The following NETO1 variants were observed in gnomAD, a reference collection of about 807,000 sequenced individuals.
NETO1 encodes the protein neuropilin and tolloid-like protein 1.
A neutral mutation model predicts 61.3 loss-of-function variants in NETO1; 26 were observed. The observed-to-expected ratio is 0.42, with a 90% CI of 0.31 to 0.59. The LOEUF (loss-of-function observed/expected upper bound fraction) is 0.59, where lower values mean the gene tolerates loss of function less well. Ranked by LOEUF, NETO1 falls within the 20% of genes least tolerant of loss-of-function variation. The pLI is 0.12. For synonymous variants in NETO1, 225 were observed against 225.8 expected (o/e 1.00, Z 0.03); for missense variants, 531 against 662.8 (o/e 0.80, Z 2.18).
At chr18:72,844,648 A>C (rs1276010792) in intron 4 of NETO1, among the ~76,000 whole-genome samples, 3 of 152,196 alleles carry the variant, frequency 2.0e-5, no homozygotes, top group African/African-American at 7.2e-5. Flanking sequence ...ATTTCATTTT[A>C]TTCATTTATT....
intron 4 of NETO1, among the ~76,000 whole-genome samples, chr18:72,854,015 T>C (rs1230453017): frequency 6.6e-6 from 1 of 152,024 alleles, no homozygotes; most frequent in Admixed American, 6.5e-5. Context: ...GAAATAACAT[T>C]GAATCCATGA....
chr18:72,758,105 A>T (rs957454557), intron 7 of NETO1, among the ~76,000 whole-genome samples: 1 of 152,172 alleles, frequency 6.6e-6, no homozygotes, highest in South Asian at 2.1e-4. Flanking sequence ...GCATTCTGGT[A>T]ATCGAGTGAA....
chr18:72,753,138 T>G (rs981966055), intron 8 of NETO1, among the ~76,000 whole-genome samples: 9 of 151,960 alleles, frequency 5.9e-5, no homozygotes, highest in Non-Finnish European at 8.8e-5. Context: ...CTTCCCAAAC[T>G]TAATTAGAAA....
intron 7 of NETO1, among the ~76,000 whole-genome samples, chr18:72,783,191 T>C (rs2071800550): frequency 6.6e-6 from 1 of 152,214 alleles, no homozygotes; most frequent in African/African-American, 2.4e-5. Flanking sequence ...TCTGAAACTT[T>C]TCTCATTTAC....
chr18:72,751,416 C>T (rs1030855059), intron 8 of NETO1, among the ~76,000 whole-genome samples: 7 of 152,234 alleles, frequency 4.6e-5, no homozygotes, highest in African/African-American at 9.6e-5. Flanking sequence ...TGGACAAGAA[C>T]GCAGGGCACC....
At chr18:72,785,202 A>AT (rs151329921) in intron 6 of NETO1, among the ~76,000 whole-genome samples, 1 of 151,540 alleles carries the variant, frequency 6.6e-6, no homozygotes, top group Non-Finnish European at 1.5e-5. Context: ...TTCTGTATGT[A>AT]TTTTTTTCTT....
chr18:72,865,490 T>C (rs1178942144), intron 1 of NETO1: 34 of 1,483,680 alleles, frequency 2.3e-5, no homozygotes, highest in Non-Finnish European at 2.8e-5. Flanking sequence ...AAATACATCA[T>C]TCACTCTAAA....
chr18:72,809,759 G>C (rs1302342136), intron 4 of NETO1, among the ~76,000 whole-genome samples: 1 of 152,168 alleles, frequency 6.6e-6, no homozygotes, highest in East Asian at 1.9e-4. Context: ...AGATGAAAGA[G>C]AAGTTAACTG....
At chr18:72,849,797 T>C (rs1238026649) in intron 4 of NETO1, among the ~76,000 whole-genome samples, 1 of 152,218 alleles carries the variant, frequency 6.6e-6, no homozygotes, top group Non-Finnish European at 1.5e-5. Flanking sequence ...CAGGGCTGTG[T>C]TCCTTTCCTT....
At chr18:72,786,172 TTA>T (rs1173120705) in intron 6 of NETO1, among the ~76,000 whole-genome samples, 4 of 152,196 alleles carry the variant, frequency 2.6e-5, no homozygotes, top group African/African-American at 9.7e-5. Context: ...CATTTAAGCG[TTA>T]TAAATAATGA....
chr18:72,861,231 T>C (rs1310249598), intron 3 of NETO1, among the ~76,000 whole-genome samples: 1 of 152,240 alleles, frequency 6.6e-6, no homozygotes, highest in Non-Finnish European at 1.5e-5. Flanking sequence ...GGCAACATTG[T>C]ATGTGGATGA....
intron 4 of NETO1, among the ~76,000 whole-genome samples, chr18:72,809,675 C>T (rs1207879658): frequency 6.6e-6 from 1 of 152,146 alleles, no homozygotes; most frequent in African/African-American, 2.4e-5. Context: ...ATTTACAAAT[C>T]AAATACTGTT....
At chr18:72,863,967 C>A (rs1207639454) in intron 3 of NETO1, among the ~76,000 whole-genome samples, 1 of 152,154 alleles carries the variant, frequency 6.6e-6, no homozygotes, top group African/African-American at 2.4e-5. Context: ...CGCCTGTAAT[C>A]CCAGCACTCT....
At chr18:72,858,679 G>T (rs2074477480) in intron 4 of NETO1, 147 bp downstream of exon 4, 4 of 810,244 alleles carry the variant, frequency 4.9e-6, no homozygotes, top group Non-Finnish European at 7.4e-6. Context: ...ATTTGTGTAG[G>T]GAAAAGAAAA....
chr18:72,830,521 G>A lies in NETO1; in HGVS notation c.469+28305C>T, dbSNP rs1334477204. Among the ~76,000 whole-genome samples the A allele has an allele frequency of 6.6e-6, 1 of 152,178 alleles. No individual in the cohort carries two copies. Among genetic ancestry groups the A allele is most frequent in the Non-Finnish European group, 1.5e-5 (1 of 68,038 alleles). ...AAAAATAACAATGATCATAAGGTCT[G>A]AGGGTTGGCTTACAATTCCTCAATG... On this transcript the variant is annotated intron_variant, in intron 4 of 10. Transcript: ENST00000327305. The surrounding 1 kb of genome is among the most constrained non-coding windows in gnomAD (Gnocchi z 4.9).
At chr18:72,866,467 C>A (rs2074735524) in intron 1 of NETO1, among the ~76,000 whole-genome samples, 1 of 152,068 alleles carries the variant, frequency 6.6e-6, no homozygotes, top group Non-Finnish European at 1.5e-5. Context: ...TCTGCTCACA[C>A]CCAGAACACA....
chr18:72,826,062 T>A (rs554638679), intron 4 of NETO1, among the ~76,000 whole-genome samples: 9 of 152,200 alleles, frequency 5.9e-5, no homozygotes, highest in Non-Finnish European at 8.8e-5. Context: ...TATAACTTAC[T>A]TGTATTAGTG....
intron 4 of NETO1, among the ~76,000 whole-genome samples, chr18:72,812,625 T>C (rs1301589454): frequency 6.6e-6 from 1 of 152,194 alleles, no homozygotes; most frequent in Non-Finnish European, 1.5e-5. Flanking sequence ...TTTTCTTTTT[T>C]AGTAATGCTT....
At chr18:72,858,725 A>G (rs2074479095) in intron 4 of NETO1, 101 bp downstream of exon 4, 2 of 1,179,830 alleles carry the variant, frequency 1.7e-6, no homozygotes, top group Non-Finnish European at 2.3e-6. Flanking sequence ...GAACTGGAAC[A>G]TTCTCTGAGA....
Sources: gnomAD v4.1 joint callset for allele counts (sites outside exome capture counted in the v4.1 genomes callset) on GRCh38, gnomAD v4.1.1 for gene constraint, Gnocchi (gnomAD v3.1) non-coding constraint, MANE v1.5 for transcripts, NCBI Gene and HGNC (gene_info 2026-07-23, HGNC 2026-07-21) for gene names.